Variants in CCDC106 observed in about 807,000 individuals in gnomAD.
CCDC106 encodes coiled-coil domain-containing protein 106.
In CCDC106, 17 loss-of-function variants were observed where a neutral mutation model predicts 24.7. That is an observed-to-expected ratio of 0.69 (90% CI 0.47 to 1.03). The LOEUF is 1.03. Ranked by LOEUF, CCDC106 falls within the 50% of genes least tolerant of loss-of-function variation. The probability of loss-of-function intolerance (pLI) is 0.00; values close to 1 mark genes in which losing one functional copy is unlikely to be tolerated. For missense variants in CCDC106, 337 were observed against 388.9 expected (o/e 0.87, Z 1.12); for synonymous variants, 211 against 161.3 (o/e 1.31, Z -2.34).
intron 3 of CCDC106, 141 bp from the exon 4 acceptor site, chr19:55,651,142 C>T (rs568632335): frequency 6.6e-5 from 46 of 694,144 alleles, no homozygotes; most frequent in Non-Finnish European, 8.5e-5. Context: ...GCGTCTCTAC[C>T]GTACTCCTTG....
Position 55,652,695 on chromosome 19 carries a change from G to A in CCDC106, c.792G>A (p.Ala264=), listed in dbSNP as rs753706343. 1.1e-5 allele frequency: 17 copies of A among 1,612,746 alleles called. No homozygotes were observed. Among genetic ancestry groups the A allele is most frequent in the Admixed American group, 1.7e-5 (1 of 59,994 alleles). The part of the protein sequence containing the change: ...LDDETLKKVQ[A]LKKSKLLLPI... Reference sequence around the variant, plus strand: ...ACGAGACGCTCAAGAAGGTGCAGGCGCTCAAGAAGAGCAAGCTGCTGCTGC... The same window carrying A: ...ACGAGACGCTCAAGAAGGTGCAGGCACTCAAGAAGAGCAAGCTGCTGCTGC... Residue 264 remains alanine, a synonymous_variant, in exon 5 of 5, where the codon GCG becomes GCA. Coordinates refer to ENST00000586790, the MANE Select transcript of CCDC106 (RefSeq NM_001370470.1). This position sits in a 1 kb window ranked among gnomAD's most constrained non-coding sequence, Gnocchi z 5.9.
Position 55,649,165 on chromosome 19 carries a change from G to A in CCDC106, c.32-40G>A, listed in dbSNP as rs565120879. ...GGTTGGGGGGTGGCCTGAGAGGCCC[G>A]GGGAATTCTCTGGGGTAACCCGGGG... On this transcript the variant is annotated intron_variant, in intron 1 of 4. Transcript: ENST00000586790. 4.4e-6 allele frequency: 7 copies of A among 1,606,860 alleles called. No homozygotes were observed. The East Asian group carries it at 1.6e-4, about 36-fold the overall frequency.
chr19:55,652,401 A>T lies in CCDC106; in HGVS notation c.527-29A>T. 6.5e-7 allele frequency: 1 copy of T among 1,550,022 alleles called. No individual in the cohort carries two copies. Among genetic ancestry groups the T allele is most frequent in the Non-Finnish European group, 8.7e-7 (1 of 1,142,912 alleles). ...CCCTCAGTCTTGTGCCCTGCCCCTC[A>T]CTTTCGTGTCCCCGCCTCCACCCCT... On this transcript the variant is annotated intron_variant, in intron 4 of 4. Coordinates refer to ENST00000586790, the MANE Select transcript of CCDC106 (RefSeq NM_001370470.1). The surrounding 1 kb of genome is among the most constrained non-coding windows in gnomAD (Gnocchi z 5.9).
chr19:55,649,228 A>G lies in CCDC106; in HGVS notation c.55A>G (p.Ile19Val), dbSNP rs773231620. Residue 19 changes from isoleucine to valine, a missense_variant, in exon 2 of 5, where the codon ATC (isoleucine) becomes GTC (valine). Ile to Val is a conservative substitution (Grantham distance 29). Around this residue, in one of 2 missense-constraint regions of CCDC106, gnomAD observed 234 missense variants for 236.5 expected, o/e 0.99. Coordinates refer to ENST00000586790, the MANE Select transcript of CCDC106 (RefSeq NM_001370470.1). ...RTMKDDETFE[I>V]SIPFDEAPHL... ...AGTGAAGGACGATGAGACCTTCGAG[A>G]TCTCCATTCCCTTCGATGAGGCACC... 2 of 1,613,878 alleles carry G rather than the reference A, an allele frequency of 1.2e-6. No individual in the cohort carries two copies. The highest frequency in any genetic ancestry group is 1.7e-5 in the Admixed American group (1 of 60,010).
intron 3 of CCDC106, among the ~76,000 whole-genome samples, chr19:55,650,827 C>T (rs534153900): frequency 2.6e-5 from 4 of 152,298 alleles, no homozygotes; most frequent in African/African-American, 9.6e-5. Context: ...CCTGCCGGCT[C>T]CCTCTGTCTA....
chr19:55,652,821 C>G lies in CCDC106; in HGVS notation c.*75C>G. ...CCGGTGGATGACCTGCCCCTCTCCC[C>G]GCCGCGCCCCTGCCCCTCCTCCTCG... On this transcript the variant is annotated 3_prime_UTR_variant, in exon 5 of 5. Coordinates refer to ENST00000586790, the MANE Select transcript of CCDC106 (RefSeq NM_001370470.1). The surrounding 1 kb of genome is among the most constrained non-coding windows in gnomAD (Gnocchi z 5.9). 5 of 1,286,456 alleles carry G rather than the reference C, an allele frequency of 3.9e-6. No homozygotes were observed. The highest frequency in any genetic ancestry group is 3.2e-6 in the Non-Finnish European group (3 of 935,686). The allele number at this position is 1,286,456 out of a possible 1,614,324, so 79.7% of individuals were successfully genotyped here.
chr19:55,652,728 C>T lies in CCDC106; in HGVS notation c.825C>T (p.Thr275=), dbSNP rs747046989. The change falls in exon 5 of 5, where the codon ACC becomes ACT. Residue 275 remains threonine, a synonymous_variant. Transcript: ENST00000586790. The surrounding 1 kb of genome is among the most constrained non-coding windows in gnomAD (Gnocchi z 5.9). ...AGAGCAAGCTGCTGCTGCCCATCAC[C>T]TACCGCTTCAAGCGGTGATCGCACC... The part of the protein sequence containing the change: ...LKKSKLLLPI[T]YRFKR The T allele has an allele frequency of 6.2e-7, 1 of 1,612,044 alleles. No homozygotes were observed. The highest frequency in any genetic ancestry group is 8.5e-7 in the Non-Finnish European group (1 of 1,179,516).
In CCDC106 at chr19:55,649,006, CCT is replaced by C. The variant is rs1568541502; in HGVS notation, c.-40_-39del. 1 of 1,608,710 alleles carries C rather than the reference CCT, an allele frequency of 6.2e-7. No homozygotes were observed. The highest frequency in any genetic ancestry group is 8.5e-7 in the Non-Finnish European group (1 of 1,176,750). On this transcript the variant is annotated 5_prime_UTR_variant, in exon 1 of 5. It introduces an in-frame stop codon into an upstream open reading frame of the 5' UTR. Coordinates refer to ENST00000586790, the MANE Select transcript of CCDC106 (RefSeq NM_001370470.1). ...GTGGCTGCCGTTTCTGTCCAGTGCCCCTGAGGCCCTCGGCTGCTGGGGTCCGT... is the reference window on the plus strand; with the variant it reads ...GTGGCTGCCGTTTCTGTCCAGTGCCCGAGGCCCTCGGCTGCTGGGGTCCGT...
At position 55,649,508 on chromosome 19, in the gene CCDC106, C is replaced by T; in HGVS notation, c.237C>T (p.Ile79=). The change falls in exon 3 of 5, where the codon ATC becomes ATT. Residue 79 remains isoleucine (I), a synonymous_variant. Coordinates refer to ENST00000586790, the MANE Select transcript of CCDC106 (RefSeq NM_001370470.1). ...GGAACTCCTGGCTGCAGAAGCGCATCGAGGACCTGGAGGAAGAGAGGGACT... is the reference window on the plus strand; with the variant it reads ...GGAACTCCTGGCTGCAGAAGCGCATTGAGGACCTGGAGGAAGAGAGGGACT... ...LERNSWLQKR[I]EDLEEERDFL... The T allele has an allele frequency of 3.1e-6, 5 of 1,614,098 alleles. No homozygotes were observed. Among genetic ancestry groups the T allele is most frequent in the African/African-American group, 1.3e-5 (1 of 75,054 alleles).
Position 55,652,839 on chromosome 19 carries a change from C to T in CCDC106, c.*93C>T. 9.1e-7 allele frequency: 1 copy of T among 1,102,398 alleles called. No homozygotes were observed. 68.3% of individuals were successfully genotyped at this position (1,102,398 alleles called of 1,614,324 possible). ...CTCTCCCCGCCGCGCCCCTGCCCCT[C>T]CTCCTCGCTCCCTGGGTTGGGGGCT... On this transcript the variant is annotated 3_prime_UTR_variant, in exon 5 of 5. Coordinates refer to ENST00000586790, the MANE Select transcript of CCDC106 (RefSeq NM_001370470.1). The surrounding 1 kb of genome is among the most constrained non-coding windows in gnomAD (Gnocchi z 5.9).
chr19:55,652,799 G>T lies in CCDC106; in HGVS notation c.*53G>T. On this transcript the variant is annotated 3_prime_UTR_variant, in exon 5 of 5. Transcript: ENST00000586790. The surrounding 1 kb of genome is among the most constrained non-coding windows in gnomAD (Gnocchi z 5.9). ...GGGCCTTCCTCCCCCGTGGACCCCG[G>T]TGGATGACCTGCCCCTCTCCCCGCC... The T allele has an allele frequency of 2.7e-6, 4 of 1,465,440 alleles. No individual in the cohort carries two copies. The South Asian group carries it at 4.9e-5, about 18-fold the overall frequency. The allele number at this position is 1,465,440 out of a possible 1,614,324, so 90.8% of individuals were successfully genotyped here.
intron 2 of CCDC106, 27 bp from the exon 3 acceptor site, chr19:55,649,381 G>A (rs754826890): frequency 9.3e-6 from 15 of 1,613,624 alleles, no homozygotes; most frequent in Admixed American, 1.7e-5. Flanking sequence ...GTGTGACCTG[G>A]TCCCCCCACC....
rs1169017246 is a variant in CCDC106 at position 55,651,416 on chromosome 19, T to C, written c.447T>C (p.Ser149=). The part of the protein sequence containing the change: ...LSGASEEGSA[S]ERRRQKQKGG... Reference sequence around the variant, plus strand: ...GAGCGTCCGAAGAAGGCAGCGCCAGTGAGAGGAGGCGGCAGAAGCAGAAGG... The same window carrying C: ...GAGCGTCCGAAGAAGGCAGCGCCAGCGAGAGGAGGCGGCAGAAGCAGAAGG... Residue 149 remains serine (S), a synonymous_variant, in exon 4 of 5, where the codon AGT becomes AGC. Coordinates refer to ENST00000586790, the MANE Select transcript of CCDC106 (RefSeq NM_001370470.1). 1.2e-6 allele frequency: 2 copies of C among 1,608,906 alleles called. No individual in the cohort carries two copies. Among genetic ancestry groups the C allele is most frequent in the Non-Finnish European group, 1.7e-6 (2 of 1,178,070 alleles).
chr19:55,650,761 G>A (rs1351797341), intron 3 of CCDC106, among the ~76,000 whole-genome samples: 1 of 152,170 alleles, frequency 6.6e-6, no homozygotes. Flanking sequence ...TGGGGACCCT[G>A]GCACCAGAGC....
At chr19:55,647,438 CAT>C (rs2123642642), upstream of CCDC106, among the ~76,000 whole-genome samples, 1 of 152,354 alleles carries the variant, frequency 6.6e-6, no homozygotes, top group South Asian at 2.1e-4. Flanking sequence ...CATACCCCAC[CAT>C]CTGACCTCAA....
chr19:55,652,548 G>A lies in CCDC106; in HGVS notation c.645G>A (p.Leu215=), dbSNP rs762683543. 1.2e-6 allele frequency: 2 copies of A among 1,613,626 alleles called. No individual in the cohort carries two copies. The highest frequency in any genetic ancestry group is 1.7e-6 in the Non-Finnish European group (2 of 1,179,968). ...GCGTGGACAGGAACACCGTGGCGCT[G>A]ACCACGCCCATCGCCGAGCTGCTCA... is the stretch of plus-strand genomic sequence containing the variant. ...HHRVDRNTVA[L]TTPIAELLIV... The change falls in exon 5 of 5, where the codon CTG becomes CTA. Residue 215 remains leucine (L), a synonymous_variant. Coordinates refer to ENST00000586790, the MANE Select transcript of CCDC106 (RefSeq NM_001370470.1). The surrounding 1 kb of genome is among the most constrained non-coding windows in gnomAD (Gnocchi z 5.9).
intron 3 of CCDC106, among the ~76,000 whole-genome samples, chr19:55,649,959 C>T (rs1983132341): frequency 1.3e-5 from 2 of 152,106 alleles, no homozygotes; most frequent in South Asian, 4.1e-4. Flanking sequence ...AGAGGCCCAC[C>T]CTAGTTCTTT....
Position 55,652,840 on chromosome 19 carries a change from C to T in CCDC106, c.*94C>T, listed in dbSNP as rs1983421955. 7.3e-6 allele frequency: 8 copies of T among 1,102,744 alleles called. No homozygotes were observed. Among genetic ancestry groups the T allele is most frequent in the Non-Finnish European group, 1.0e-5 (8 of 780,328 alleles). 68.3% of individuals were successfully genotyped at this position (1,102,744 alleles called of 1,614,324 possible). A position where few individuals can be genotyped will look rare whatever the true frequency, so the allele number is the denominator to read the frequency against. ...TCTCCCCGCCGCGCCCCTGCCCCTC[C>T]TCCTCGCTCCCTGGGTTGGGGGCTC... On this transcript the variant is annotated 3_prime_UTR_variant, in exon 5 of 5. Coordinates refer to ENST00000586790, the MANE Select transcript of CCDC106 (RefSeq NM_001370470.1). This position sits in a 1 kb window ranked among gnomAD's most constrained non-coding sequence, Gnocchi z 5.9.
At position 55,648,664 on chromosome 19, in the gene CCDC106, G is replaced by A; in HGVS notation, c.-383G>A. 3.2e-6 allele frequency: 1 copy of A among 311,504 alleles called. No individual in the cohort carries two copies. Among genetic ancestry groups the A allele is most frequent in the Non-Finnish European group, 6.0e-6 (1 of 166,406 alleles). 19.3% of individuals were successfully genotyped at this position (311,504 alleles called of 1,614,324 possible). On this transcript the variant is annotated 5_prime_UTR_variant, in exon 1 of 5. Coordinates refer to ENST00000586790, the MANE Select transcript of CCDC106 (RefSeq NM_001370470.1). ...TGGCAGTGGCCCGCGATGAGAGAGG[G>A]TCCTTCCCCTTCAGGCTAGGTGTCC...
Sources: allele counts gnomAD v4.1 joint callset (sites outside exome capture counted in the v4.1 genomes callset), GRCh38; gene constraint gnomAD v4.1.1; regional missense constraint gnomAD v4.1.1; non-coding constraint Gnocchi (gnomAD v3.1); transcripts MANE v1.5; gene names NCBI Gene and HGNC (gene_info 2026-07-23, HGNC 2026-07-21).